Variants in RTN1 observed in about 807,000 individuals in gnomAD.
The protein encoded by RTN1 is reticulon 1, also known as reticulon-1.
RTN1 carries 25 observed loss-of-function variants against 65.5 expected under a neutral mutation model. The ratio of observed to expected loss-of-function variants is 0.38; its 90% CI spans 0.28 to 0.53. The LOEUF is 0.53. RTN1 is among the 20% of genes least tolerant of loss of function. The pLI is 0.79. For synonymous variants in RTN1, 471 were observed against 447.6 expected, an observed-to-expected ratio of 1.05 and a Z score of -0.66; for missense variants, 983 against 1,025.4, an observed-to-expected ratio of 0.96 and a Z score of 0.57.
intron 3 of RTN1, among the ~76,000 whole-genome samples, chr14:59,723,075 G>C (rs940266566): frequency 1.1e-4 from 17 of 152,124 alleles, no homozygotes; most frequent in African/African-American, 4.1e-4. Flanking sequence ...TGGGGCTACA[G>C]GTGTGGGCCA....
chr14:59,723,237 A>G (rs1465829765), intron 3 of RTN1, among the ~76,000 whole-genome samples: 4 of 152,218 alleles, frequency 2.6e-5, no homozygotes, highest in Non-Finnish European at 5.9e-5. Flanking sequence ...GATGAGATTG[A>G]AAAGAGGCCA....
chr14:59,778,707 T>C (rs1475141708), intron 1 of RTN1, among the ~76,000 whole-genome samples: 2 of 152,076 alleles, frequency 1.3e-5, no homozygotes, highest in African/African-American at 4.8e-5. Context: ...TGAAAGGCAA[T>C]GAATCCTAAA....
At position 59,870,562 on chromosome 14, in the gene RTN1, C is replaced by G. The variant is rs373312876; in HGVS notation, c.69G>C (p.Arg23Ser). 7 of 1,457,222 alleles carry G rather than the reference C, an allele frequency of 4.8e-6. No individual in the cohort carries two copies. The East Asian group carries it at 9.2e-5, about 19-fold the overall frequency. The allele number at this position is 1,457,222 out of a possible 1,614,324, so 90.3% of individuals were successfully genotyped here. A position where few individuals can be genotyped will look rare whatever the true frequency, so the allele number is the denominator to read the frequency against. The change falls in exon 1 of 9, where the codon AGG (arginine) becomes AGC (serine). Residue 23 changes from arginine (R) to serine (S), a missense_variant. By Grantham distance (110) the Arg-to-Ser change is moderately radical (BLOSUM62 -1). Transcript: ENST00000267484. The surrounding 1 kb of genome is among the most constrained non-coding windows in gnomAD (Gnocchi z 5.1). ...PLAGPGSQWL[R>S]HRGEGENEAV... ...CTTCGTTCTCCCCCTCCCCCCGGTG[C>G]CTGAGCCACTGGGACCCGGGGCCGG...
chr14:59,619,389 T>C (rs373979336), intron 3 of RTN1, among the ~76,000 whole-genome samples: 4 of 152,150 alleles, frequency 2.6e-5, no homozygotes, highest in Non-Finnish European at 5.9e-5. Flanking sequence ...AGGCTGACAA[T>C]TGCACACATT....
At chr14:59,733,691 G>A (rs1884948515) in intron 2 of RTN1, among the ~76,000 whole-genome samples, 1 of 152,218 alleles carries the variant, frequency 6.6e-6, no homozygotes, top group East Asian at 1.9e-4. Flanking sequence ...CCTTGCAGGG[G>A]GGTCCTCCCA....
intron 3 of RTN1, among the ~76,000 whole-genome samples, chr14:59,656,822 C>T (rs1883131585): frequency 6.6e-6 from 1 of 152,232 alleles, no homozygotes; most frequent in Non-Finnish European, 1.5e-5. Flanking sequence ...CAAACACAGG[C>T]ATGACTGCAT....
chr14:59,658,779 A>C (rs1000156243), intron 3 of RTN1, among the ~76,000 whole-genome samples: 6 of 152,186 alleles, frequency 3.9e-5, no homozygotes, highest in Admixed American at 2.6e-4. Flanking sequence ...ATGAGGAAAA[A>C]CCAGCACAAA....
chr14:59,690,139 C>G (rs994999954), intron 3 of RTN1, among the ~76,000 whole-genome samples: 1 of 151,914 alleles, frequency 6.6e-6, no homozygotes, highest in Admixed American at 6.6e-5. Context: ...TGCAAATGCC[C>G]TAAACACCTC....
In RTN1 at chr14:59,849,583, G is replaced by C. The variant is rs529850486; in HGVS notation, c.241+20807C>G. 3.9e-5 allele frequency among the ~76,000 whole-genome samples: 6 copies of C among 152,256 alleles called. No homozygotes were observed. Among genetic ancestry groups the C allele is most frequent in the African/African-American group, 1.4e-4 (6 of 41,546 alleles). ...CATTTCAGCCCACAGGCCTGACTCA[G>C]CCCACTGATTGATTTCATTCAGCTG... On this transcript the variant is annotated intron_variant, in intron 1 of 8. Transcript: ENST00000267484. This position sits in a 1 kb window ranked among gnomAD's most constrained non-coding sequence, Gnocchi z 4.5.
chr14:59,748,520 C>T (rs1215914606), intron 1 of RTN1, among the ~76,000 whole-genome samples: 1 of 152,024 alleles, frequency 6.6e-6, no homozygotes, highest in Admixed American at 6.6e-5. Context: ...TGCAACTTGC[C>T]TTCCCCTCCC....
In RTN1 at chr14:59,684,778, C is replaced by T. The variant is rs151235675; in HGVS notation, c.1765+42141G>A. Among the ~76,000 whole-genome samples the T allele has an allele frequency of 3.6e-3, 545 of 152,018 alleles. 3 individuals are homozygous for T. The highest frequency in any genetic ancestry group is 0.013 in the African/African-American group (524 of 41,502). ...AGAAAATATCTTGATTTTGCTTATA[C>T]GAATAATAGTTTGGGTGGGTATAGA... On this transcript the variant is annotated intron_variant, in intron 3 of 8. Transcript: ENST00000267484.
chr14:59,869,644 C>T (rs916188960), intron 1 of RTN1, among the ~76,000 whole-genome samples: 6 of 151,832 alleles, frequency 4.0e-5, no homozygotes, highest in Admixed American at 1.3e-4. Flanking sequence ...CACCCAAGCC[C>T]TCCAACCCAC....
chr14:59,625,134 A>T (rs1194339703), intron 3 of RTN1, among the ~76,000 whole-genome samples: 1 of 152,102 alleles, frequency 6.6e-6, no homozygotes, highest in Non-Finnish European at 1.5e-5. Flanking sequence ...TGAAGAAGGA[A>T]GGGCCTGGTA....
At chr14:59,835,259 A>T (rs1250906880) in intron 1 of RTN1, among the ~76,000 whole-genome samples, 1 of 152,094 alleles carries the variant, frequency 6.6e-6, no homozygotes, top group Non-Finnish European at 1.5e-5. Flanking sequence ...AAAAAAAAAT[A>T]GCATATATGG....
At chr14:59,749,289 T>G (rs1201743950) in intron 1 of RTN1, among the ~76,000 whole-genome samples, 1 of 39,274 alleles carries the variant, frequency 2.5e-5, no homozygotes, top group Non-Finnish European at 4.0e-5. Context: ...TATATATATC[T>G]ATATATATCT....
At chr14:59,860,683 C>T (rs1226466937) in intron 1 of RTN1, among the ~76,000 whole-genome samples, 2 of 152,224 alleles carry the variant, frequency 1.3e-5, no homozygotes, top group Admixed American at 6.5e-5. Flanking sequence ...TGAAAAGCCA[C>T]AGGGGCAGAG....
At chr14:59,854,160 A>C (rs1445819288) in intron 1 of RTN1, among the ~76,000 whole-genome samples, 1 of 151,946 alleles carries the variant, frequency 6.6e-6, no homozygotes, top group East Asian at 1.9e-4. Context: ...CACCCAGCCA[A>C]ACTTTTTAAC....
rs11559114 is a variant in RTN1 at position 59,607,304 on chromosome 14, C to T, written c.1954G>A (p.Asp652Asn). The T allele has an allele frequency of 5.6e-6, 9 of 1,613,962 alleles. No individual in the cohort carries two copies. Among genetic ancestry groups the T allele is most frequent in the South Asian group, 3.3e-5 (3 of 91,032 alleles). Residue 652 changes from aspartate (D) to asparagine (N), a missense_variant, in exon 4 of 9, where the codon GAC becomes AAC. Transcript: ENST00000267484. ...ACTCACTTGAAAGGGTGGCCTTCGT[C>T]GGTTTTCTGCACTGCTTGTAAAACA... The part of the protein sequence containing the change: ...KSVLQAVQKT[D>N]EGHPFKAYLE...
In RTN1 at chr14:59,596,408, A is replaced by G. The variant is rs921777603; in HGVS notation, c.*337T>C. The G allele has an allele frequency of 2.7e-5, 5 of 184,670 alleles. No homozygotes were observed. The highest frequency in any genetic ancestry group is 1.7e-4 in the Admixed American group (3 of 17,222). 11.4% of individuals were successfully genotyped at this position (184,670 alleles called of 1,614,324 possible). ...GGCAGGAAAGGCCTAGCCACGGGGA[A>G]CATTAGAAGCTACAGAAGCATTGCA... is the stretch of plus-strand genomic sequence containing the variant. On this transcript the variant is annotated 3_prime_UTR_variant, in exon 9 of 9. Transcript: ENST00000267484.
Sources: allele counts gnomAD v4.1 joint callset (sites outside exome capture counted in the v4.1 genomes callset), GRCh38; gene constraint gnomAD v4.1.1; non-coding constraint Gnocchi (gnomAD v3.1); transcripts MANE v1.5; gene names NCBI Gene and HGNC (gene_info 2026-07-23, HGNC 2026-07-21).